The following STEAP4 variants were observed in gnomAD, a reference collection of about 807,000 sequenced individuals.
STEAP4 encodes the protein metalloreductase STEAP4.
Under a neutral mutation model 43.6 loss-of-function variants are expected in STEAP4, and 36 were observed. That is an observed-to-expected ratio of 0.83 (90% confidence interval 0.63 to 1.09). The LOEUF (loss-of-function observed/expected upper bound fraction) is 1.09. STEAP4 is among the 50% of genes least tolerant of loss of function. The pLI, the probability that STEAP4 is intolerant of heterozygous loss-of-function variation, is 0.00. For synonymous variants in STEAP4, 191 were observed against 196.7 expected, an observed-to-expected ratio of 0.97 and a Z score of 0.24; for missense variants, 495 against 546.5, an observed-to-expected ratio of 0.91 and a Z score of 0.94.
chr7:88,303,205 A>C (rs1557776), intron 1 of STEAP4, among the ~76,000 whole-genome samples: 69,504 of 118,686 alleles, frequency 0.59, 17,372 homozygotes, highest in East Asian at 0.8. Context: ...AAAAAAAAAA[A>C]AAAACTCCAA....
At position 88,277,429 on chromosome 7, in the gene STEAP4, A is replaced by T; in HGVS notation, c.*1969T>A. On this transcript the variant is annotated 3_prime_UTR_variant, in exon 5 of 5. Transcript: ENST00000380079. ...ATTAAATTGATAAGGTCACTTTAGA[A>T]ATGGCTTGGCAACATTATCAGTGCA... 6.6e-6 allele frequency: 1 copy of T among 152,210 alleles called. No individual in the cohort carries two copies. Among genetic ancestry groups the T allele is most frequent in the East Asian group, 1.9e-4 (1 of 5,198 alleles). 9.4% of individuals were successfully genotyped at this position (152,210 alleles called of 1,614,324 possible). A position where few individuals can be genotyped will look rare whatever the true frequency, so the allele number is the denominator to read the frequency against.
At chr7:88,305,783 T>TTAGA (rs143157615) in intron 1 of STEAP4, among the ~76,000 whole-genome samples, 22,081 of 152,232 alleles carry the variant, frequency 0.15, 1,875 homozygotes, top group Non-Finnish European at 0.2. Flanking sequence ...TTTCACCTTG[T>TTAGA]TAGAGTTGAA....
intron 1 of STEAP4, among the ~76,000 whole-genome samples, chr7:88,300,021 C>CCCAT (rs1169936823): frequency 6.6e-6 from 1 of 152,182 alleles, no homozygotes; most frequent in African/African-American, 2.4e-5. Context: ...TTTGCTGAGA[C>CCCAT]CCATCAGATG....
At chr7:88,292,092 C>T (rs181326310) in intron 1 of STEAP4, 18 of 152,124 alleles carry the variant, frequency 1.2e-4, no homozygotes, top group South Asian at 2.1e-4. Flanking sequence ...TGTGTGTGTG[C>T]GCGCGCGTGT....
At chr7:88,287,306 G>A (rs894665743) in intron 1 of STEAP4, among the ~76,000 whole-genome samples, 1 of 152,164 alleles carries the variant, frequency 6.6e-6, no homozygotes, top group Non-Finnish European at 1.5e-5. Flanking sequence ...CACTTGGGTT[G>A]GCCTCCAGAT....
At chr7:88,281,670 G>C (rs1267924269) in intron 3 of STEAP4, 1 of 152,154 alleles carries the variant, frequency 6.6e-6, no homozygotes, top group East Asian at 1.9e-4. Flanking sequence ...ACTGAAGTAA[G>C]ATCTATCAAA....
At position 88,282,875 on chromosome 7, in the gene STEAP4, T is replaced by C; in HGVS notation, c.750A>G (p.Thr250=). The C allele has an allele frequency of 1.2e-6, 2 of 1,614,246 alleles. No homozygotes were observed. Among genetic ancestry groups the C allele is most frequent in the Non-Finnish European group, 1.7e-6 (2 of 1,180,046 alleles). ...AAACCAAAGCAAGCAGTGTAAGTGC[T>C]GTTATTGGAAAGATACGATTTGGAA... ...ISIPNRIFPI[T]ALTLLALVYL... Residue 250 remains threonine (T), a synonymous_variant, in exon 3 of 5, where the codon ACA becomes ACG. Coordinates refer to ENST00000380079, the MANE Select transcript of STEAP4 (RefSeq NM_024636.4).
chr7:88,283,670 A>G, intron 2 of STEAP4, 144 bp downstream of exon 2: 1 of 922,986 alleles, frequency 1.1e-6, no homozygotes, highest in Non-Finnish European at 1.6e-6. Flanking sequence ...GGTCAAGCTC[A>G]AGAAAATTAT....
intron 1 of STEAP4, among the ~76,000 whole-genome samples, chr7:88,300,221 G>C (rs1229299365): frequency 6.6e-6 from 1 of 152,100 alleles, no homozygotes; most frequent in African/African-American, 2.4e-5. Context: ...TTTTATTTTA[G>C]TTTTTGAGAC....
intron 1 of STEAP4, among the ~76,000 whole-genome samples, chr7:88,300,673 CT>C (rs942874804): frequency 5.9e-5 from 9 of 151,702 alleles, no homozygotes; most frequent in East Asian, 3.9e-4. Context: ...CAAATCAGGA[CT>C]TTTTTTTTCC....
In STEAP4 at chr7:88,275,697, T is replaced by C. The variant is rs941130377; in HGVS notation, c.*3701A>G. ...TGGAGAATGAAAATTGCAACTACTG[T>C]GTGCAGTACCATGACTGCCATTACA... On this transcript the variant is annotated 3_prime_UTR_variant, in exon 5 of 5. Coordinates refer to ENST00000380079, the MANE Select transcript of STEAP4 (RefSeq NM_024636.4). 6.6e-6 allele frequency: 1 copy of C among 152,038 alleles called. No homozygotes were observed. Among genetic ancestry groups the C allele is most frequent in the African/African-American group, 2.4e-5 (1 of 41,338 alleles). The allele number at this position is 152,038 out of a possible 1,614,324, so 9.4% of individuals were successfully genotyped here.
In STEAP4 at chr7:88,275,855, C is replaced by T. The variant is rs553498178; in HGVS notation, c.*3543G>A. ...GAATGAAGAGCTCCTGAATGAATTT[C>T]TAATTGAAATGGCTTTTTCAGTAGG... On this transcript the variant is annotated 3_prime_UTR_variant, in exon 5 of 5. Coordinates refer to ENST00000380079, the MANE Select transcript of STEAP4 (RefSeq NM_024636.4). 4 of 152,264 alleles carry T rather than the reference C, an allele frequency of 2.6e-5. No homozygotes were observed. The highest frequency in any genetic ancestry group is 7.2e-5 in the African/African-American group (3 of 41,558). The allele number at this position is 152,264 out of a possible 1,614,324, so 9.4% of individuals were successfully genotyped here. A position where few individuals can be genotyped will look rare whatever the true frequency, so the allele number is the denominator to read the frequency against.
At position 88,286,799 on chromosome 7, in the gene STEAP4, ACACACACACG is replaced by A. The variant is rs758976336; in HGVS notation, c.-2-2538_-2-2529del. Among the ~76,000 whole-genome samples, 551 of 112,304 alleles carry A rather than the reference ACACACACACG, an allele frequency of 4.9e-3. 1 individual carries two copies. The highest frequency in any genetic ancestry group is 9.8e-3 in the Middle Eastern group (2 of 204). 73.7% of individuals were successfully genotyped at this position (112,304 alleles called of 152,430 possible). A position where few individuals can be genotyped will look rare whatever the true frequency, so the allele number is the denominator to read the frequency against. On this transcript the variant is annotated intron_variant, in intron 1 of 4. Transcript: ENST00000380079. ...CACACACACACACACACACACACAC[ACACACACACG>A]CAAACAATGTAAGATGAACAGAAGG...
At chr7:88,290,581 G>A (rs1852818970) in intron 1 of STEAP4, among the ~76,000 whole-genome samples, 1 of 152,104 alleles carries the variant, frequency 6.6e-6, no homozygotes. Flanking sequence ...ATAGGCATCT[G>A]GTTCCAGGCC....
rs376266177 is a variant in STEAP4 at position 88,300,624 on chromosome 7, C to T, written c.-3+6168G>A. Among the ~76,000 whole-genome samples, 34 of 152,282 alleles carry T rather than the reference C, an allele frequency of 2.2e-4. 1 individual carries two copies. The highest frequency in any genetic ancestry group is 2.1e-3 in the East Asian group (11 of 5,178). Reference sequence around the variant, plus strand: ...CCAGCTGGGAGCTTGAAATCAGTCACAGTAGGAGTTTTTACCTTATGACAA... The same window carrying T: ...CCAGCTGGGAGCTTGAAATCAGTCATAGTAGGAGTTTTTACCTTATGACAA... On this transcript the variant is annotated intron_variant, in intron 1 of 4. Coordinates refer to ENST00000380079, the MANE Select transcript of STEAP4 (RefSeq NM_024636.4).
chr7:88,278,611 A>C lies in STEAP4; in HGVS notation c.*787T>G, dbSNP rs1485545886. 3 of 152,316 alleles carry C rather than the reference A, an allele frequency of 2.0e-5. No homozygotes were observed. The highest frequency in any genetic ancestry group is 7.2e-5 in the African/African-American group (3 of 41,588). The allele number at this position is 152,316 out of a possible 1,614,324, so 9.4% of individuals were successfully genotyped here. A position where few individuals can be genotyped will look rare whatever the true frequency, so the allele number is the denominator to read the frequency against. On this transcript the variant is annotated 3_prime_UTR_variant, in exon 5 of 5. Transcript: ENST00000380079. ...CTGGTTTCTTTGAACTTTTTGATCA[A>C]GAACTTTTATCAACCCTTCTTTGCT...
At chr7:88,281,189 G>T in intron 3 of STEAP4, 110 bp from the exon 4 acceptor site, 1 of 773,518 alleles carries the variant, frequency 1.3e-6, no homozygotes, top group Non-Finnish European at 1.8e-6. Context: ...CAAATTGTAT[G>T]GCATTTCTTA....
rs767580327 is a variant in STEAP4 at position 88,279,643 on chromosome 7, C to A, written c.1150-15G>T. On this transcript the variant is annotated splice_polypyrimidine_tract_variant and intron_variant, in intron 4 of 4. Transcript: ENST00000380079. Reference sequence around the variant, plus strand: ...CCCAGTTTGGACTATAAACAAGAAACAAAAATATGTAAGTTAACATTATTT... The same window carrying A: ...CCCAGTTTGGACTATAAACAAGAAAAAAAAATATGTAAGTTAACATTATTT... The A allele has an allele frequency of 8.2e-6, 13 of 1,580,490 alleles. No homozygotes were observed. The East Asian group carries it at 2.5e-4, about 30-fold the overall frequency.
chr7:88,304,868 A>G (rs938269074), intron 1 of STEAP4, among the ~76,000 whole-genome samples: 4 of 152,142 alleles, frequency 2.6e-5, no homozygotes, highest in Non-Finnish European at 5.9e-5. Context: ...TAATAACAGT[A>G]TTAATAATAG....
Sources: allele counts gnomAD v4.1 joint callset (sites outside exome capture counted in the v4.1 genomes callset), GRCh38; gene constraint gnomAD v4.1.1; transcripts MANE v1.5; gene names NCBI Gene and HGNC (gene_info 2026-07-23, HGNC 2026-07-21).